Variants in CLVS1 observed in about 807,000 individuals in gnomAD.
CLVS1 encodes the protein clavesin-1.
CLVS1 carries 10 observed loss-of-function variants against 33.1 expected under a neutral mutation model. The ratio of observed to expected loss-of-function variants is 0.30; its 90% CI spans 0.19 to 0.51. CLVS1 has a LOEUF of 0.51. CLVS1 is among the 20% of genes least tolerant of loss of function. The pLI, the probability that CLVS1 is intolerant of heterozygous loss-of-function variation, is 0.97. For missense variants in CLVS1, 343 were observed against 433.4 expected, an observed-to-expected ratio of 0.79 and a Z score of 1.85; for synonymous variants, 163 against 166.1, an observed-to-expected ratio of 0.98 and a Z score of 0.14.
Position 61,501,216 on chromosome 8 carries a change from T to C in CLVS1, c.*1674T>C, listed in dbSNP as rs1419875518. 2 of 152,118 alleles carry C rather than the reference T, an allele frequency of 1.3e-5. No homozygotes were observed. Among genetic ancestry groups the C allele is most frequent in the African/African-American group, 4.8e-5 (2 of 41,456 alleles). 9.4% of individuals were successfully genotyped at this position (152,118 alleles called of 1,614,324 possible). ...CCAAGACATAGATAGGTAAGAGAAA[T>C]AAAGAATTGAAGTGAATTAGAAAAT... On this transcript the variant is annotated 3_prime_UTR_variant, in exon 6 of 6. Transcript: ENST00000325897.
At chr8:61,294,797 A>G (rs535692100) in intron 1 of CLVS1, among the ~76,000 whole-genome samples, 2 of 152,322 alleles carry the variant, frequency 1.3e-5, no homozygotes, top group African/African-American at 2.4e-5. Flanking sequence ...AGATCATAAA[A>G]TTACCAAATT....
intron 2 of CLVS1, among the ~76,000 whole-genome samples, chr8:61,188,173 G>C (rs1331568952): frequency 6.6e-6 from 1 of 152,106 alleles, no homozygotes; most frequent in Non-Finnish European, 1.5e-5. Context: ...TAGTGAATTG[G>C]ATGTAGACTA....
chr8:61,246,368 C>T (rs1420738846), intron 2 of CLVS1, among the ~76,000 whole-genome samples: 1 of 151,314 alleles, frequency 6.6e-6, no homozygotes, highest in Non-Finnish European at 1.5e-5. Context: ...TGGGGTTGCA[C>T]CATGTTGGTC....
intron 2 of CLVS1, among the ~76,000 whole-genome samples, chr8:61,362,055 T>G (rs2129600081): frequency 6.6e-6 from 1 of 152,276 alleles, no homozygotes. Flanking sequence ...GTAAGGGGAT[T>G]CTCAACAAAT....
intron 1 of CLVS1, among the ~76,000 whole-genome samples, chr8:61,296,250 C>T (rs1810205914): frequency 6.6e-6 from 1 of 152,156 alleles, no homozygotes; most frequent in South Asian, 2.1e-4. Flanking sequence ...GCATTCTCCC[C>T]AGAAGCTTCT....
intron 2 of CLVS1, among the ~76,000 whole-genome samples, chr8:61,333,121 A>G (rs1279672513): frequency 6.6e-6 from 1 of 152,174 alleles, no homozygotes; most frequent in East Asian, 1.9e-4. Context: ...TTCTTTTCAT[A>G]TGCATTTACT....
chr8:61,299,780 A>C lies in CLVS1; in HGVS notation c.-48A>C. On this transcript the variant is annotated 5_prime_UTR_variant, in exon 2 of 6. Coordinates refer to ENST00000325897, the MANE Select transcript of CLVS1 (RefSeq NM_173519.3). ...TTTGTCTGTTCCGGGGCAGCCTGGT[A>C]GTAAAACACTGTTGAATGGGCCACA... 7.2e-7 allele frequency: 1 copy of C among 1,395,802 alleles called. No individual in the cohort carries two copies. Among genetic ancestry groups the C allele is most frequent in the Non-Finnish European group, 9.9e-7 (1 of 1,005,750 alleles). The allele number at this position is 1,395,802 out of a possible 1,614,324, so 86.5% of individuals were successfully genotyped here.
In CLVS1 at chr8:61,454,134, G is replaced by T. The variant is rs1563559900; in HGVS notation, c.631-7G>T. 1.2e-6 allele frequency: 2 copies of T among 1,605,366 alleles called. No homozygotes were observed. Among genetic ancestry groups the T allele is most frequent in the Non-Finnish European group, 8.5e-7 (1 of 1,172,082 alleles). ...AATCGGTGTGCATTTCTCTCTTTCT[G>T]CCCCAGGACAGCTTTCCTGCCCGCT... On this transcript the variant is annotated splice_region_variant and splice_polypyrimidine_tract_variant and intron_variant, in intron 3 of 5. Transcript: ENST00000325897.
chr8:61,335,031 G>A (rs151009441), intron 2 of CLVS1, among the ~76,000 whole-genome samples: 5 of 152,332 alleles, frequency 3.3e-5, no homozygotes, highest in East Asian at 1.9e-4. Context: ...TGAAATCATA[G>A]GGAGTTGGAG....
intron 3 of CLVS1, among the ~76,000 whole-genome samples, chr8:61,442,324 G>A (rs1016278210): frequency 1.3e-5 from 2 of 152,160 alleles, no homozygotes; most frequent in Non-Finnish European, 2.9e-5. Flanking sequence ...GGCTGTACCA[G>A]TTTGCTTAAC....
the CLVS1 span, among the ~76,000 whole-genome samples, chr8:61,047,880 C>T: frequency 2.6e-5 from 4 of 152,054 alleles, no homozygotes; most frequent in African/African-American, 9.7e-5. Context: ...CAGCATGGCA[C>T]ATGTATACAT....
At chr8:61,250,458 G>T (rs1224281861) in intron 2 of CLVS1, among the ~76,000 whole-genome samples, 1 of 152,214 alleles carries the variant, frequency 6.6e-6, no homozygotes, top group African/African-American at 2.4e-5. Flanking sequence ...TGTGAAGAAA[G>T]TCAGTGGTAG....
the CLVS1 span, among the ~76,000 whole-genome samples, chr8:61,018,294 G>A: frequency 1.3e-5 from 2 of 152,208 alleles, no homozygotes; most frequent in South Asian, 2.1e-4. Context: ...CCTTACTGTC[G>A]CTTATAATTT....
chr8:61,384,729 T>G (rs1229602253), intron 3 of CLVS1, among the ~76,000 whole-genome samples: 1 of 152,116 alleles, frequency 6.6e-6, no homozygotes, highest in Non-Finnish European at 1.5e-5. Context: ...TTAGGATGGA[T>G]CCATAGATTT....
At chr8:61,170,138 C>T (rs1477337196) in intron 2 of CLVS1, among the ~76,000 whole-genome samples, 1 of 151,986 alleles carries the variant, frequency 6.6e-6, no homozygotes, top group Non-Finnish European at 1.5e-5. Flanking sequence ...ACCATTATCC[C>T]CCAATAGAAG....
chr8:61,260,292 A>T (rs1211528933), intron 2 of CLVS1, among the ~76,000 whole-genome samples: 1 of 152,234 alleles, frequency 6.6e-6, no homozygotes, highest in African/African-American at 2.4e-5. Flanking sequence ...ATTTAAATTA[A>T]TAGTGGTGCC....
intron 2 of CLVS1, among the ~76,000 whole-genome samples, chr8:61,137,509 T>A (rs1389571087): frequency 1.3e-5 from 2 of 152,166 alleles, no homozygotes; most frequent in Non-Finnish European, 2.9e-5. Context: ...ACTTGATACA[T>A]AAAACATACT....
intron 3 of CLVS1, among the ~76,000 whole-genome samples, chr8:61,443,097 G>A (rs1355106983): frequency 6.6e-6 from 1 of 152,092 alleles, no homozygotes; most frequent in African/African-American, 2.4e-5. Flanking sequence ...TTTCAATACT[G>A]TTATATTTGA....
chr8:61,421,066 C>G (rs1196130868), intron 3 of CLVS1, among the ~76,000 whole-genome samples: 1 of 152,124 alleles, frequency 6.6e-6, no homozygotes, highest in Non-Finnish European at 1.5e-5. Flanking sequence ...AAACTAGCAT[C>G]AAATGTAGGG....
Sources: gnomAD v4.1 joint callset for allele counts (sites outside exome capture counted in the v4.1 genomes callset) on GRCh38, gnomAD v4.1.1 for gene constraint, MANE v1.5 for transcripts, NCBI Gene and HGNC (gene_info 2026-07-23, HGNC 2026-07-21) for gene names.